Variants in ZFPM1 observed in about 807,000 individuals in gnomAD.
The protein encoded by ZFPM1 is zinc finger protein ZFPM1.
A neutral mutation model predicts 46.3 loss-of-function variants in ZFPM1; 28 were observed. The observed-to-expected ratio is 0.60, with a 90% CI of 0.45 to 0.83. ZFPM1 has a LOEUF of 0.83. Among genes scored for constraint, ZFPM1 ranks in the 40% least tolerant of loss-of-function variants. ZFPM1 has a pLI of 0.00. For missense variants in ZFPM1, 1,878 were observed against 1,432.4 expected (o/e 1.31, Z -5.02); for synonymous variants, 957 against 675.9 (o/e 1.42, Z -6.45).
rs536050041 is a variant in ZFPM1 at position 88,476,872 on chromosome 16, G to A, written c.41-9067G>A. ...GCCCGAGATGGTCAGAAGCTAAGCC[G>A]GTGGCCTGAGGGCTTCCCACTTCTG... On this transcript the variant is annotated intron_variant, in intron 1 of 9. Coordinates refer to ENST00000319555, the MANE Select transcript of ZFPM1 (RefSeq NM_153813.3). 2.1e-3 allele frequency among the ~76,000 whole-genome samples: 325 copies of A among 152,358 alleles called. 1 individual carries two copies. Among genetic ancestry groups the A allele is most frequent in the African/African-American group, 7.4e-3 (309 of 41,586 alleles).
intron 1 of ZFPM1, among the ~76,000 whole-genome samples, chr16:88,459,692 TC>T (rs1907721307): frequency 2.3e-5 from 1 of 43,242 alleles, no homozygotes; most frequent in African/African-American, 9.9e-5. Flanking sequence ...CTCCTCCCCC[TC>T]CTCCCCTTCC....
In ZFPM1 at chr16:88,494,408, T is replaced by C. The variant is rs190311197; in HGVS notation, c.268+5255T>C. On this transcript the variant is annotated intron_variant, in intron 3 of 9. Transcript: ENST00000319555. Reference sequence around the variant, plus strand: ...GCCGGAAGGGATCCACCAGTGGGGTTGTTGCAGTGCGGCCCCGCTGTCCAA... The same window carrying C: ...GCCGGAAGGGATCCACCAGTGGGGTCGTTGCAGTGCGGCCCCGCTGTCCAA... Among the ~76,000 whole-genome samples, 246 of 152,082 alleles carry C rather than the reference T, an allele frequency of 1.6e-3. 1 individual carries two copies. The highest frequency in any genetic ancestry group is 5.7e-3 in the African/African-American group (238 of 41,494).
chr16:88,484,313 G>C (rs932985294), intron 1 of ZFPM1, among the ~76,000 whole-genome samples: 4 of 152,194 alleles, frequency 2.6e-5, no homozygotes, highest in Non-Finnish European at 2.9e-5. Flanking sequence ...TTCTCCATCC[G>C]TGCGGCTTGC....
Position 88,528,118 on chromosome 16 carries a change from C to G in ZFPM1, c.592C>G (p.Pro198Ala). 1 of 1,590,042 alleles carries G rather than the reference C, an allele frequency of 6.3e-7. No individual in the cohort carries two copies. Among genetic ancestry groups the G allele is most frequent in the Non-Finnish European group, 8.5e-7 (1 of 1,169,778 alleles). ...VLLTAEPHST[P>A]GHPVKKEPAE... Reference sequence around the variant, plus strand: ...CCTCACGGCCGAGCCCCACAGCACCCCCGGCCACCCTGTGAAGAAGGAGCC... The same window carrying G: ...CCTCACGGCCGAGCCCCACAGCACCGCCGGCCACCCTGTGAAGAAGGAGCC... The change falls in exon 6 of 10, where the codon CCC (proline) becomes GCC (alanine). Residue 198 changes from proline (P) to alanine (A), a missense_variant. Physicochemically the swap from Pro to Ala is conservative, Grantham distance 27 (BLOSUM62 -1). Coordinates refer to ENST00000319555, the MANE Select transcript of ZFPM1 (RefSeq NM_153813.3).
chr16:88,505,450 T>G (rs546007511), intron 3 of ZFPM1, among the ~76,000 whole-genome samples: 72 of 152,264 alleles, frequency 4.7e-4, no homozygotes, highest in African/African-American at 1.7e-3. Context: ...CCTGAGGGGC[T>G]GACAGTCCAG....
chr16:88,454,433 C>G (rs1907443829), intron 1 of ZFPM1, among the ~76,000 whole-genome samples: 1 of 152,230 alleles, frequency 6.6e-6, no homozygotes, highest in East Asian at 1.9e-4. Flanking sequence ...ACAAATGGTG[C>G]CCTCGGATGC....
chr16:88,452,516 AG>A (rs1288441592), upstream of ZFPM1, among the ~76,000 whole-genome samples: 1 of 152,228 alleles, frequency 6.6e-6, no homozygotes, highest in Admixed American at 6.5e-5. Flanking sequence ...CTGAGCTCAC[AG>A]GGGAAGACCC....
chr16:88,470,492 C>T (rs1237613803), intron 1 of ZFPM1, among the ~76,000 whole-genome samples: 1 of 151,922 alleles, frequency 6.6e-6, no homozygotes, highest in Admixed American at 6.6e-5. Flanking sequence ...TGTGGAGGGC[C>T]GGGTGGTGAC....
At chr16:88,478,116 T>A (rs1371404271) in intron 1 of ZFPM1, among the ~76,000 whole-genome samples, 2 of 151,898 alleles carry the variant, frequency 1.3e-5, no homozygotes, top group Non-Finnish European at 2.9e-5. Context: ...CCAGGCCCGC[T>A]GGCACAGTTG....
chr16:88,526,274 G>A (rs762348970), intron 4 of ZFPM1, among the ~76,000 whole-genome samples: 29 of 152,198 alleles, frequency 1.9e-4, no homozygotes, highest in Non-Finnish European at 7.4e-5. Flanking sequence ...ACTGAGGCCC[G>A]AGGGTTGCTA....
At chr16:88,523,420 C>T (rs982410332) in intron 4 of ZFPM1, among the ~76,000 whole-genome samples, 29 of 152,318 alleles carry the variant, frequency 1.9e-4, no homozygotes, top group African/African-American at 6.7e-4. Context: ...TGGCTTCCTG[C>T]CCCAGCGTCT....
intron 2 of ZFPM1, among the ~76,000 whole-genome samples, chr16:88,486,581 G>A (rs1909237325): frequency 6.6e-6 from 1 of 151,570 alleles, no homozygotes; most frequent in Non-Finnish European, 1.5e-5. Context: ...TGGGTGCTAG[G>A]TGCACCATGG....
chr16:88,487,386 A>G (rs1909290513), intron 2 of ZFPM1, among the ~76,000 whole-genome samples: 1 of 152,160 alleles, frequency 6.6e-6, no homozygotes, highest in Admixed American at 6.5e-5. Flanking sequence ...CGTGGAGGGG[A>G]TGTGGCCATA....
At chr16:88,502,599 C>A (rs1910429372) in intron 3 of ZFPM1, among the ~76,000 whole-genome samples, 1 of 152,208 alleles carries the variant, frequency 6.6e-6, no homozygotes, top group Non-Finnish European at 1.5e-5. Context: ...CTGCTGGAGG[C>A]AGTGGCCTTG....
intron 3 of ZFPM1, among the ~76,000 whole-genome samples, chr16:88,500,693 C>T (rs910984435): frequency 3.9e-5 from 6 of 152,242 alleles, no homozygotes; most frequent in Admixed American, 3.3e-4. Context: ...CACCGCAGAC[C>T]TGGGGCCTGT....
At chr16:88,470,952 G>T (rs1221225391) in intron 1 of ZFPM1, among the ~76,000 whole-genome samples, 2 of 152,110 alleles carry the variant, frequency 1.3e-5, no homozygotes, top group African/African-American at 4.8e-5. Context: ...GAAGGGGCGG[G>T]AGACGCAGCG....
chr16:88,452,368 G>C (rs978859620), upstream of ZFPM1, among the ~76,000 whole-genome samples: 7 of 152,230 alleles, frequency 4.6e-5, no homozygotes, highest in South Asian at 4.1e-4. Context: ...AGAGGGGGCT[G>C]TGGCCCGGGC....
intron 4 of ZFPM1, among the ~76,000 whole-genome samples, chr16:88,521,612 G>A (rs1216804186): frequency 9.1e-6 from 1 of 110,216 alleles, no homozygotes; most frequent in Non-Finnish European, 1.8e-5. Context: ...CCCTCATGCT[G>A]TTCCCCCAAC....
At chr16:88,523,999 C>T (rs1049184824) in intron 4 of ZFPM1, among the ~76,000 whole-genome samples, 9 of 152,224 alleles carry the variant, frequency 5.9e-5, no homozygotes, top group Non-Finnish European at 8.8e-5. Flanking sequence ...ACAGTTGCGG[C>T]GCGTGTTTTT....
Sources: allele counts gnomAD v4.1 joint callset (sites outside exome capture counted in the v4.1 genomes callset), GRCh38; gene constraint gnomAD v4.1.1; transcripts MANE v1.5; gene names NCBI Gene and HGNC (gene_info 2026-07-23, HGNC 2026-07-21).